ASTN2: variants seen among roughly 807,000 people sequenced by gnomAD.
ASTN2 encodes astrotactin 2.
In ASTN2, 54 loss-of-function variants were observed where a neutral mutation model predicts 139.8. The ratio of observed to expected loss-of-function variants is 0.39; its 90% CI spans 0.31 to 0.48. The LOEUF is 0.48. Among genes scored for constraint, ASTN2 ranks in the 20% least tolerant of loss-of-function variants. The probability of loss-of-function intolerance (pLI) is 0.95; values close to 1 mark genes in which losing one functional copy is unlikely to be tolerated. For missense variants in ASTN2, 1,565 were observed against 1,725.1 expected (o/e 0.91, Z 1.64); for synonymous variants, 756 against 719.5 (o/e 1.05, Z -0.81).
intron 10 of ASTN2, among the ~76,000 whole-genome samples, chr9:116,892,523 G>T (rs967519366): frequency 6.6e-6 from 1 of 152,202 alleles, no homozygotes; most frequent in Middle Eastern, 3.4e-3. Context: ...ATGAAGAGGT[G>T]AGAGCAAAAG....
intron 16 of ASTN2, among the ~76,000 whole-genome samples, chr9:116,670,120 A>G (rs1010801101): frequency 6.6e-6 from 1 of 152,134 alleles, no homozygotes; most frequent in Admixed American, 6.5e-5. Flanking sequence ...TACTTCTCAT[A>G]AAGCCACCCA....
At chr9:117,060,686 G>T (rs994770120) in intron 5 of ASTN2, among the ~76,000 whole-genome samples, 1 of 151,892 alleles carries the variant, frequency 6.6e-6, no homozygotes, top group South Asian at 2.1e-4. Flanking sequence ...GAGGTCAGGA[G>T]ATCGAGATCA....
chr9:117,337,425 T>C (rs774276508), intron 1 of ASTN2, among the ~76,000 whole-genome samples: 7 of 152,136 alleles, frequency 4.6e-5, no homozygotes, highest in Non-Finnish European at 7.4e-5. Flanking sequence ...AATTCTTTAT[T>C]ATCTACCATA....
intron 4 of ASTN2, among the ~76,000 whole-genome samples, chr9:117,116,943 G>A (rs1829411475): frequency 1.4e-5 from 2 of 146,246 alleles, no homozygotes; most frequent in Non-Finnish European, 3.0e-5. Flanking sequence ...GATGTATAAA[G>A]CTTTATGCTT....
At chr9:116,643,902 A>T (rs1295207536) in intron 17 of ASTN2, among the ~76,000 whole-genome samples, 1 of 152,174 alleles carries the variant, frequency 6.6e-6, no homozygotes, top group African/African-American at 2.4e-5. Flanking sequence ...ATATGTAAGT[A>T]ATTATAGTAG....
intron 3 of ASTN2, among the ~76,000 whole-genome samples, chr9:117,213,710 C>T (rs998461557): frequency 1.3e-5 from 2 of 152,158 alleles, no homozygotes; most frequent in Admixed American, 1.3e-4. Flanking sequence ...TTTTTCTCAG[C>T]CCTGGATCAT....
intron 11 of ASTN2, among the ~76,000 whole-genome samples, chr9:116,823,292 C>G (rs1831538956): frequency 1.3e-5 from 2 of 152,328 alleles, no homozygotes; most frequent in East Asian, 3.9e-4. Context: ...AGAGGCAGAG[C>G]TTCTCAGGCT....
chr9:117,308,808 G>A (rs1827862755), intron 1 of ASTN2, among the ~76,000 whole-genome samples: 2 of 152,092 alleles, frequency 1.3e-5, no homozygotes, highest in Admixed American at 6.5e-5. Context: ...CCCCTTCTCT[G>A]TGCTGGACTT....
At chr9:117,314,898 ATTT>A (rs1212645876) in intron 1 of ASTN2, among the ~76,000 whole-genome samples, 2 of 146,538 alleles carry the variant, frequency 1.4e-5, no homozygotes, top group Non-Finnish European at 3.0e-5. Context: ...ATATAAATAT[ATTT>A]TTATTATATT....
In ASTN2 at chr9:116,590,695, T is replaced by C. The variant is rs531996628; in HGVS notation, c.3355+27629A>G. ...ACAGTGATTTTTCCAGACTTGACCA[T>C]GGACACCTATGGACAAATCAGTATA... On this transcript the variant is annotated intron_variant, in intron 19 of 22. Coordinates refer to ENST00000313400, the MANE Select transcript of ASTN2 (RefSeq NM_001365068.1). 3.9e-5 allele frequency among the ~76,000 whole-genome samples: 6 copies of C among 152,258 alleles called. No individual in the cohort carries two copies. The South Asian group carries it at 6.2e-4, about 16-fold the overall frequency.
chr9:116,593,594 A>G (rs1387083218), intron 19 of ASTN2, among the ~76,000 whole-genome samples: 2 of 152,234 alleles, frequency 1.3e-5, no homozygotes, highest in Non-Finnish European at 2.9e-5. Context: ...GCATCTAGCC[A>G]TTCTTAACTG....
At chr9:116,764,254 C>T (rs1829748640) in intron 13 of ASTN2, among the ~76,000 whole-genome samples, 1 of 152,200 alleles carries the variant, frequency 6.6e-6, no homozygotes, top group Non-Finnish European at 1.5e-5. Flanking sequence ...ACTGCCTCGG[C>T]CTCACCTAAG....
intron 2 of ASTN2, among the ~76,000 whole-genome samples, chr9:117,260,744 C>G (rs1021619327): frequency 6.6e-6 from 1 of 152,140 alleles, no homozygotes; most frequent in East Asian, 1.9e-4. Context: ...ATCTATTTCT[C>G]TCTGAACTTT....
intron 4 of ASTN2, among the ~76,000 whole-genome samples, chr9:117,125,009 C>G (rs1587990471): frequency 1.3e-5 from 2 of 152,284 alleles, no homozygotes; most frequent in African/African-American, 4.8e-5. Flanking sequence ...CTGTTAAGCT[C>G]TCTACAAACA....
At chr9:116,536,944 G>A (rs976573376) in intron 19 of ASTN2, among the ~76,000 whole-genome samples, 10 of 152,220 alleles carry the variant, frequency 6.6e-5, no homozygotes, top group African/African-American at 2.2e-4. Context: ...GCTATGCCCT[G>A]CCCCCAGAGG....
intron 19 of ASTN2, among the ~76,000 whole-genome samples, chr9:116,569,268 T>C (rs559609094): frequency 1.3e-5 from 2 of 152,326 alleles, no homozygotes; most frequent in East Asian, 3.9e-4. Context: ...CTCAGAGCTT[T>C]GGTTTGCTTG....
At chr9:116,677,153 T>C (rs1230416357) in intron 16 of ASTN2, among the ~76,000 whole-genome samples, 4 of 152,214 alleles carry the variant, frequency 2.6e-5, no homozygotes, top group Admixed American at 1.3e-4. Context: ...GAACTTGTTT[T>C]TCTGGAAAAA....
chr9:116,870,810 T>A (rs1833142848), intron 10 of ASTN2, among the ~76,000 whole-genome samples: 1 of 151,966 alleles, frequency 6.6e-6, no homozygotes, highest in South Asian at 2.1e-4. Flanking sequence ...CCAGGAAAGG[T>A]CTGTGTCACT....
chr9:117,058,147 C>T (rs978120112), intron 5 of ASTN2, among the ~76,000 whole-genome samples: 20 of 152,116 alleles, frequency 1.3e-4, no homozygotes, highest in African/African-American at 4.8e-4. Flanking sequence ...TAACACCAAA[C>T]CTGGTATTGA....
Sources: allele counts gnomAD v4.1 joint callset (sites outside exome capture counted in the v4.1 genomes callset), GRCh38; gene constraint gnomAD v4.1.1; transcripts MANE v1.5; gene names NCBI Gene and HGNC (gene_info 2026-07-23, HGNC 2026-07-21).